Variants in CSMD1 observed in about 807,000 individuals in gnomAD.
The protein encoded by CSMD1 is CUB and Sushi multiple domains 1.
CSMD1 carries 213 observed loss-of-function variants against 417.5 expected under a neutral mutation model. The ratio of observed to expected loss-of-function variants is 0.51; its 90% CI spans 0.46 to 0.57. The LOEUF is 0.57. CSMD1 is among the 20% of genes least tolerant of loss of function. The pLI is 0.00. For missense variants in CSMD1, 6,923 were observed against 4,529.7 expected, an observed-to-expected ratio of 1.53 and a Z score of -15.17; for synonymous variants, 2,862 against 1,736.8, an observed-to-expected ratio of 1.65 and a Z score of -16.11.
chr8:3,550,809 A>T (rs1169670549), intron 10 of CSMD1, among the ~76,000 whole-genome samples: 3 of 152,226 alleles, frequency 2.0e-5, no homozygotes, highest in Non-Finnish European at 4.4e-5. Context: ...GCACCTCGTG[A>T]ATACTTGTTG....
intron 5 of CSMD1, among the ~76,000 whole-genome samples, chr8:3,924,687 T>G (rs1195107593): frequency 1.3e-5 from 2 of 152,196 alleles, no homozygotes; most frequent in Non-Finnish European, 2.9e-5. Context: ...ATTGTTCTCT[T>G]TAGCTCCAGA....
chr8:3,868,256 T>G (rs187477619), intron 5 of CSMD1, among the ~76,000 whole-genome samples: 34 of 152,114 alleles, frequency 2.2e-4, no homozygotes, highest in Middle Eastern at 3.2e-3. Flanking sequence ...TTTAACTTTA[T>G]GACCATTGCT....
At chr8:4,427,660 T>C (rs935107076) in intron 2 of CSMD1, among the ~76,000 whole-genome samples, 3 of 152,202 alleles carry the variant, frequency 2.0e-5, no homozygotes, top group Admixed American at 2.0e-4. Context: ...CGTTAACTTT[T>C]GGCCTCAGAA....
intron 7 of CSMD1, among the ~76,000 whole-genome samples, chr8:3,646,071 A>T (rs1365469791): frequency 2.0e-5 from 3 of 152,076 alleles, no homozygotes; most frequent in Non-Finnish European, 4.4e-5. Context: ...AGATTAAGTG[A>T]ATTGTGGCAG....
chr8:4,028,471 G>A (rs934509661), intron 4 of CSMD1, among the ~76,000 whole-genome samples: 1 of 151,508 alleles, frequency 6.6e-6, no homozygotes, highest in Non-Finnish European at 1.5e-5. Flanking sequence ...TAAACACCAA[G>A]CAGATCTCAT....
intron 1 of CSMD1, among the ~76,000 whole-genome samples, chr8:4,866,590 T>C (rs1019915328): frequency 6.6e-6 from 1 of 151,948 alleles, no homozygotes; most frequent in Non-Finnish European, 1.5e-5. Flanking sequence ...CTTTCCCCAA[T>C]GACACACAAC....
intron 63 of CSMD1, 73 bp from the exon 64 acceptor site, chr8:2,955,841 G>T (rs763110264): frequency 1.5e-6 from 2 of 1,362,746 alleles, no homozygotes; most frequent in Non-Finnish European, 1.0e-6. Flanking sequence ...GAAATTAATA[G>T]ATTAAAATAG....
chr8:4,233,860 A>C (rs977552106), intron 3 of CSMD1, among the ~76,000 whole-genome samples: 5 of 152,080 alleles, frequency 3.3e-5, no homozygotes, highest in African/African-American at 1.2e-4. Flanking sequence ...TAAAGAATCT[A>C]ATCCTGAGAA....
intron 7 of CSMD1, among the ~76,000 whole-genome samples, chr8:3,696,464 A>C (rs1800559182): frequency 1.3e-5 from 2 of 152,232 alleles, no homozygotes; most frequent in Admixed American, 1.3e-4. Flanking sequence ...TTCTCTGTGA[A>C]TATAATGCAA....
intron 5 of CSMD1, among the ~76,000 whole-genome samples, chr8:3,928,909 C>T (rs991035476): frequency 2.0e-5 from 3 of 149,626 alleles, no homozygotes; most frequent in East Asian, 2.0e-4. Context: ...TCTTTCTTTT[C>T]GTATACCTGG....
Position 4,225,787 on chromosome 8 carries a change from A to T in CSMD1, c.416-193688T>A, listed in dbSNP as rs138795344. Among the ~76,000 whole-genome samples, 576 of 152,284 alleles carry T rather than the reference A, an allele frequency of 3.8e-3. 6 individuals carry two copies. The highest frequency in any genetic ancestry group is 0.013 in the African/African-American group (551 of 41,560). ...AATCTATTCAAATCTATTCAGAGTG[A>T]AATTAATATTTTATTGCATGACATT... On this transcript the variant is annotated intron_variant, in intron 3 of 69. Coordinates refer to ENST00000635120, the MANE Select transcript of CSMD1 (RefSeq NM_033225.6).
Position 3,861,009 on chromosome 8 carries a change from T to A in CSMD1, c.819-106967A>T, listed in dbSNP as rs184599009. The stretch of plus-strand genomic sequence containing the variant: ...CAAAGCATGGAAAGTATGACAGATA[T>A]GTAAGTTTTCCTTGTATGAACTGCT... On this transcript the variant is annotated intron_variant, in intron 5 of 69. Transcript: ENST00000635120. 3.3e-5 allele frequency among the ~76,000 whole-genome samples: 5 copies of A among 152,330 alleles called. No homozygotes were observed. The East Asian group carries it at 9.6e-4, about 29-fold the overall frequency.
In CSMD1 at chr8:3,982,690, C is replaced by G. The variant is rs565838075; in HGVS notation, c.818+15213G>C. Reference sequence around the variant, plus strand: ...TGAGACCAGGGTGGCGGACCGGAAGCCTCATAAGATCAGGAGGCAGAGGGA... The same window carrying G: ...TGAGACCAGGGTGGCGGACCGGAAGGCTCATAAGATCAGGAGGCAGAGGGA... On this transcript the variant is annotated intron_variant, in intron 5 of 69. Transcript: ENST00000635120. 2.0e-5 allele frequency among the ~76,000 whole-genome samples: 3 copies of G among 151,894 alleles called. No individual in the cohort carries two copies. The East Asian group carries it at 5.8e-4, about 30-fold the overall frequency.
intron 2 of CSMD1, among the ~76,000 whole-genome samples, chr8:4,543,944 T>C (rs1797523070): frequency 6.6e-6 from 1 of 152,178 alleles, no homozygotes. Flanking sequence ...TGGTGAGGTG[T>C]CTGTTAAGGT....
At chr8:3,935,459 A>G (rs1170586804) in intron 5 of CSMD1, among the ~76,000 whole-genome samples, 1 of 152,144 alleles carries the variant, frequency 6.6e-6, no homozygotes, top group Non-Finnish European at 1.5e-5. Flanking sequence ...CCCGACATTA[A>G]ACAGGTCTAT....
At chr8:4,360,459 C>T (rs1398089526) in intron 3 of CSMD1, among the ~76,000 whole-genome samples, 1 of 152,144 alleles carries the variant, frequency 6.6e-6, no homozygotes, top group Non-Finnish European at 1.5e-5. Context: ...AGCCCGTTAT[C>T]ATAACCTCTT....
At chr8:3,757,196 C>T (rs949213399) in intron 5 of CSMD1, among the ~76,000 whole-genome samples, 3 of 152,182 alleles carry the variant, frequency 2.0e-5, no homozygotes, top group African/African-American at 7.2e-5. Context: ...TCTTTACCCT[C>T]ATCTGTATTT....
intron 3 of CSMD1, among the ~76,000 whole-genome samples, chr8:4,256,773 C>A (rs1803487224): frequency 6.6e-6 from 1 of 152,136 alleles, no homozygotes; most frequent in Non-Finnish European, 1.5e-5. Context: ...TGCTCTCAAG[C>A]AGCTTGCAAC....
At chr8:4,094,792 G>A (rs1043201164) in intron 3 of CSMD1, among the ~76,000 whole-genome samples, 1 of 152,150 alleles carries the variant, frequency 6.6e-6, no homozygotes, top group Non-Finnish European at 1.5e-5. Flanking sequence ...TGGAGTACTG[G>A]ATAAACAGGC....
Sources: gnomAD v4.1 joint callset for allele counts (sites outside exome capture counted in the v4.1 genomes callset) on GRCh38, gnomAD v4.1.1 for gene constraint, MANE v1.5 for transcripts, NCBI Gene and HGNC (gene_info 2026-07-23, HGNC 2026-07-21) for gene names.